GRIA2: variants seen among roughly 807,000 people sequenced by gnomAD.
GRIA2 encodes the protein glutamate ionotropic receptor AMPA type subunit 2.
A neutral mutation model predicts 97.3 loss-of-function variants in GRIA2; 14 were observed. The ratio of observed to expected loss-of-function variants is 0.14; its 90% confidence interval spans 0.10 to 0.23. The LOEUF (loss-of-function observed/expected upper bound fraction) is 0.23. GRIA2 is among the 10% of genes least tolerant of loss of function. GRIA2 has a pLI of 1.00. For missense variants in GRIA2, 558 were observed against 1,069.8 expected, an observed-to-expected ratio of 0.52 and a Z score of 6.67; for synonymous variants, 412 against 387.8, an observed-to-expected ratio of 1.06 and a Z score of -0.73.
At chr4:157,340,202 G>C (rs997191241) in intron 11 of GRIA2, among the ~76,000 whole-genome samples, 4 of 151,716 alleles carry the variant, frequency 2.6e-5, no homozygotes, top group Non-Finnish European at 5.9e-5. Context: ...ATCACAAATT[G>C]CCAATCATGA....
At chr4:157,275,711 C>T (rs1282576578) in intron 2 of GRIA2, among the ~76,000 whole-genome samples, 2 of 152,060 alleles carry the variant, frequency 1.3e-5, no homozygotes, top group South Asian at 4.1e-4. Context: ...GGGCTTTGTT[C>T]TGTTCCATTC....
intron 2 of GRIA2, among the ~76,000 whole-genome samples, chr4:157,278,554 G>T (rs1262079023): frequency 2.0e-5 from 3 of 151,926 alleles, no homozygotes; most frequent in Admixed American, 6.6e-5. Context: ...ACATGGTTTT[G>T]GGCATGTTGA....
Position 157,303,919 on chromosome 4 carries a change from GATA to G in GRIA2, c.469+131_469+133del, listed in dbSNP as rs1156406209. The G allele has an allele frequency of 1.2e-5, 11 of 889,722 alleles. No homozygotes were observed. In the African/African-American group the frequency reaches 1.7e-4, roughly 13 times the overall value. The allele number at this position is 889,722 out of a possible 1,614,324, so 55.1% of individuals were successfully genotyped here. ...GGATCCCTTGGTTTAATTTTGCTGT[GATA>G]ATGACTAATGCAATTTAAAACCTGG... On this transcript the variant is annotated intron_variant, in intron 3 of 15. Coordinates refer to ENST00000264426, the MANE Select transcript of GRIA2 (RefSeq NM_001083619.3).
At chr4:157,281,657 T>C (rs548977443) in intron 2 of GRIA2, among the ~76,000 whole-genome samples, 1 of 148,994 alleles carries the variant, frequency 6.7e-6, no homozygotes, top group Non-Finnish European at 1.5e-5. Context: ...AACTCTCTCT[T>C]TTTTTTGTCT....
intron 6 of GRIA2, among the ~76,000 whole-genome samples, chr4:157,328,109 T>C (rs1734886661): frequency 6.6e-6 from 1 of 152,146 alleles, no homozygotes; most frequent in Non-Finnish European, 1.5e-5. Flanking sequence ...TTGATAAGAT[T>C]GTTTATTTTG....
chr4:157,221,378 A>G, intron 1 of GRIA2: 1 of 563,356 alleles, frequency 1.8e-6, no homozygotes, highest in Non-Finnish European at 3.1e-6. Context: ...TGCCTTAGCG[A>G]CATTTTCCAG....
intron 3 of GRIA2, among the ~76,000 whole-genome samples, chr4:157,308,180 T>C (rs1733924153): frequency 1.3e-5 from 2 of 152,228 alleles, no homozygotes; most frequent in Admixed American, 1.3e-4. Flanking sequence ...AGGTGGCTGA[T>C]GGCTTGTCTA....
At chr4:157,278,886 A>C (rs1579327061) in intron 2 of GRIA2, among the ~76,000 whole-genome samples, 1 of 152,056 alleles carries the variant, frequency 6.6e-6, no homozygotes, top group East Asian at 1.9e-4. Context: ...GACTTTCCAC[A>C]TCATATTTCC....
At position 157,364,239 on chromosome 4, in the gene GRIA2, T is replaced by C. The variant is rs1736776430; in HGVS notation, c.*808T>C. ...TTTAACATTTGGTGTTAATATAAAA[T>C]TACTTGGCAATGCTTGACATTTGAA... is the stretch of plus-strand genomic sequence containing the variant. On this transcript the variant is annotated 3_prime_UTR_variant, in exon 16 of 16. Coordinates refer to ENST00000264426, the MANE Select transcript of GRIA2 (RefSeq NM_001083619.3). 1 of 152,498 alleles carries C rather than the reference T, an allele frequency of 6.6e-6. No homozygotes were observed. Among genetic ancestry groups the C allele is most frequent in the South Asian group, 2.1e-4 (1 of 4,832 alleles). 9.4% of individuals were successfully genotyped at this position (152,498 alleles called of 1,614,324 possible). A position where few individuals can be genotyped will look rare whatever the true frequency, so the allele number is the denominator to read the frequency against.
intron 9 of GRIA2, chr4:157,334,324 C>T (rs551520055): frequency 2.0e-5 from 10 of 496,940 alleles, no homozygotes; most frequent in Non-Finnish European, 3.3e-5. Flanking sequence ...CTTTAAGGAA[C>T]GCTACAGTTT....
intron 2 of GRIA2, among the ~76,000 whole-genome samples, chr4:157,265,197 G>C (rs1358877808): frequency 6.6e-6 from 1 of 152,052 alleles, no homozygotes; most frequent in East Asian, 1.9e-4. Context: ...GGTGAGCATT[G>C]GAAATGCGAT....
chr4:157,246,485 T>A (rs2126728701), intron 2 of GRIA2, among the ~76,000 whole-genome samples: 1 of 152,280 alleles, frequency 6.6e-6, no homozygotes, highest in Middle Eastern at 3.4e-3. Context: ...TACACAATTT[T>A]AATGATATAA....
At chr4:157,242,372 T>G (rs1282563981) in intron 2 of GRIA2, among the ~76,000 whole-genome samples, 1 of 152,100 alleles carries the variant, frequency 6.6e-6, no homozygotes, top group Non-Finnish European at 1.5e-5. Context: ...AGCTGTTACC[T>G]TGTTGATAAT....
chr4:157,261,183 A>G (rs1168877442), intron 2 of GRIA2, among the ~76,000 whole-genome samples: 1 of 152,102 alleles, frequency 6.6e-6, no homozygotes, highest in Non-Finnish European at 1.5e-5. Context: ...CACATCTTAC[A>G]TGGCGGCAGG....
chr4:157,286,839 A>T (rs544429028), intron 2 of GRIA2, among the ~76,000 whole-genome samples: 4 of 151,618 alleles, frequency 2.6e-5, no homozygotes, highest in Non-Finnish European at 5.9e-5. Context: ...TGCTGTCATT[A>T]TAATTCAAAT....
chr4:157,346,347 G>T (rs1735764475), intron 12 of GRIA2, among the ~76,000 whole-genome samples: 1 of 152,032 alleles, frequency 6.6e-6, no homozygotes, highest in African/African-American at 2.4e-5. Flanking sequence ...TTATTGCCAT[G>T]TTATAAATAA....
intron 2 of GRIA2, among the ~76,000 whole-genome samples, chr4:157,270,933 T>G (rs979834472): frequency 2.0e-5 from 3 of 151,848 alleles, no homozygotes; most frequent in African/African-American, 7.3e-5. Context: ...TTGTTTTTTT[T>G]TTTGCATTGT....
chr4:157,292,098 G>A (rs1452734548), intron 2 of GRIA2, among the ~76,000 whole-genome samples: 2 of 151,918 alleles, frequency 1.3e-5, no homozygotes, highest in Non-Finnish European at 2.9e-5. Flanking sequence ...CAATTAGTTT[G>A]TATTTCTATC....
At chr4:157,359,316 C>T (rs984147764) in intron 12 of GRIA2, among the ~76,000 whole-genome samples, 2 of 151,972 alleles carry the variant, frequency 1.3e-5, no homozygotes, top group African/African-American at 4.8e-5. Context: ...GAAAAAAGTC[C>T]TGTTTAATTA....
Sources: gnomAD v4.1 joint callset for allele counts (sites outside exome capture counted in the v4.1 genomes callset) on GRCh38, gnomAD v4.1.1 for gene constraint, MANE v1.5 for transcripts, NCBI Gene and HGNC (gene_info 2026-07-23, HGNC 2026-07-21) for gene names.